Variants in FN1 observed in about 807,000 individuals in gnomAD.
The protein encoded by FN1 is fibronectin.
Under a neutral mutation model 297.3 loss-of-function variants are expected in FN1, and 106 were observed. That is an observed-to-expected ratio of 0.36 (90% confidence interval 0.30 to 0.42). FN1 has a LOEUF of 0.42. Among genes scored for constraint, FN1 ranks in the 10% least tolerant of loss-of-function variants. The pLI is 1.00. For missense variants in FN1, 2,690 were observed against 3,124.9 expected (o/e 0.86, Z 3.32); for synonymous variants, 1,149 against 1,152.6 (o/e 1.00, Z 0.06).
At position 215,373,424 on chromosome 2, in the gene FN1, T is replaced by C. The variant is rs747057645; in HGVS notation, c.6158-13A>G. 3 of 1,604,778 alleles carry C rather than the reference T, an allele frequency of 1.9e-6. No individual in the cohort carries two copies. The highest frequency in any genetic ancestry group is 4.5e-5 in the East Asian group (2 of 44,694). The stretch of plus-strand genomic sequence containing the variant: ...CCCGGTTCCAGGCCTGAAGGGAGAA[T>C]AGAACCATCACATTATGTCAATGGG... On this transcript the variant is annotated splice_polypyrimidine_tract_variant and intron_variant, in intron 38 of 45. Coordinates refer to ENST00000354785, the MANE Select transcript of FN1 (RefSeq NM_212482.4).
At chr2:215,388,359 G>A (rs2059291682) in intron 26 of FN1, 58 bp from the exon 27 acceptor site, 1 of 1,197,640 alleles carries the variant, frequency 8.3e-7, no homozygotes, top group African/African-American at 1.5e-5. Flanking sequence ...AGAAACTAAA[G>A]CACGCCCAGG....
chr2:215,399,700 A>G (rs2060764682), intron 20 of FN1, among the ~76,000 whole-genome samples: 3 of 152,198 alleles, frequency 2.0e-5, no homozygotes, highest in Admixed American at 2.0e-4. Flanking sequence ...TGGTCCTTTC[A>G]TTGAAATTAT....
In FN1 at chr2:215,420,791, A is replaced by G; in HGVS notation, c.1557T>C (p.Ile519=). ...IAYSQLRDQC[I]VDDITYNVND... ...TCACATTGTAAGTGATGTCATCAAC[A>G]ATGCACTGATCTGTTTAGGAAACAG... Residue 519 remains isoleucine (I), a synonymous_variant, in exon 11 of 46, where the codon ATT becomes ATC. Coordinates refer to ENST00000354785, the MANE Select transcript of FN1 (RefSeq NM_212482.4). 6.2e-7 allele frequency: 1 copy of G among 1,614,112 alleles called. No homozygotes were observed. The highest frequency in any genetic ancestry group is 8.5e-7 in the Non-Finnish European group (1 of 1,179,938).
intron 4 of FN1, 85 bp downstream of exon 4, chr2:215,431,748 T>C (rs1361691802): frequency 7.3e-7 from 1 of 1,363,146 alleles, no homozygotes; most frequent in Admixed American, 1.7e-5. Flanking sequence ...AATTCAGGTC[T>C]ATGACCTATG....
At chr2:215,393,254 A>G (rs766978739) in intron 24 of FN1, 51 bp from the exon 25 acceptor site, 23 of 1,581,260 alleles carry the variant, frequency 1.5e-5, no homozygotes, top group African/African-American at 6.8e-5. Context: ...AAATAGAGGG[A>G]AAAAAAGAGG....
intron 12 of FN1, among the ~76,000 whole-genome samples, chr2:215,417,268 A>G (rs2063560443): frequency 6.6e-6 from 1 of 152,212 alleles, no homozygotes. Context: ...CTTATTCAAT[A>G]TGAATAAACT....
chr2:215,424,016 T>C, intron 8 of FN1, 130 bp downstream of exon 8: 1 of 925,296 alleles, frequency 1.1e-6, no homozygotes, highest in Non-Finnish European at 1.8e-6. Flanking sequence ...TGCGATCTCT[T>C]GAGTCCAAAC....
At chr2:215,398,050 A>G (rs2577296) in intron 21 of FN1, among the ~76,000 whole-genome samples, 111 of 152,348 alleles carry the variant, frequency 7.3e-4, no homozygotes, top group Middle Eastern at 6.8e-3. Flanking sequence ...TCCAAACTGC[A>G]TTAAGGTGGC....
chr2:215,375,306 G>C lies in FN1; in HGVS notation c.6065C>G (p.Thr2022Ser). 6.2e-7 allele frequency: 1 copy of C among 1,614,150 alleles called. No homozygotes were observed. The highest frequency in any genetic ancestry group is 8.5e-7 in the Non-Finnish European group (1 of 1,180,004). Residue 2022 changes from threonine to serine, a missense_variant, in exon 38 of 46, where the codon ACC becomes AGC. Physicochemically the swap from Thr to Ser is moderately conservative, Grantham distance 58 (BLOSUM62 1). Transcript: ENST00000354785. Reference sequence around the variant, plus strand: ...CTTCTCATACTTGATGATGTAGCCGGTAATCCTGGCACGTGGCGGCTGCCA... The same window carrying C: ...CTTCTCATACTTGATGATGTAGCCGCTAATCCTGGCACGTGGCGGCTGCCA... ...VSWQPPRARI[T>S]GYIIKYEKPG...
chr2:215,401,191 A>G (rs9751655), intron 20 of FN1, among the ~76,000 whole-genome samples: 1 of 112,410 alleles, frequency 8.9e-6, no homozygotes, highest in African/African-American at 3.6e-5. Context: ...GTGAGAGAGA[A>G]AGAAAGAAAA....
chr2:215,374,945 T>C (rs2056995293), intron 38 of FN1, among the ~76,000 whole-genome samples: 1 of 152,188 alleles, frequency 6.6e-6, no homozygotes, highest in Non-Finnish European at 1.5e-5. Context: ...CAGGACTGAA[T>C]TGACAGGTAT....
intron 13 of FN1, among the ~76,000 whole-genome samples, chr2:215,410,507 CTTT>C (rs34645626): frequency 1.6e-4 from 22 of 133,962 alleles, no homozygotes; most frequent in Non-Finnish European, 1.6e-4. Flanking sequence ...GGCACCTTCA[CTTT>C]TTTTTTTTTT....
chr2:215,414,317 A>G lies in FN1; in HGVS notation c.1941+520T>C, dbSNP rs182938756. 2.4e-3 allele frequency among the ~76,000 whole-genome samples: 361 copies of G among 152,328 alleles called. 1 individual carries two copies. Among genetic ancestry groups the G allele is most frequent in the Middle Eastern group, 3.4e-3 (1 of 294 alleles). On this transcript the variant is annotated intron_variant, in intron 13 of 45. Transcript: ENST00000354785. ...TAAAACCAACTTCCATCCTTTATCT[A>G]AACTTCCCTCCCATCATCTCTTTTC...
At chr2:215,388,123 G>A (rs2059253997) in intron 27 of FN1, 89 bp downstream of exon 27, 3 of 939,666 alleles carry the variant, frequency 3.2e-6, no homozygotes, top group Non-Finnish European at 5.2e-6. Flanking sequence ...ACAAAAAATG[G>A]AGATGTATTT....
intron 19 of FN1, among the ~76,000 whole-genome samples, chr2:215,405,845 C>T (rs987914641): frequency 6.6e-6 from 1 of 152,126 alleles, no homozygotes; most frequent in Admixed American, 6.5e-5. Flanking sequence ...AGCAGATAAG[C>T]TGGTGGCTAG....
chr2:215,401,201 A>G (rs9751656), intron 20 of FN1, among the ~76,000 whole-genome samples: 21 of 32,126 alleles, frequency 6.5e-4, no homozygotes, highest in Non-Finnish European at 1.1e-3. Context: ...AAGAAAGAAA[A>G]GAAAGAAAGA....
intron 42 of FN1, among the ~76,000 whole-genome samples, chr2:215,365,992 A>AT (rs2054530183): frequency 1.4e-5 from 1 of 73,066 alleles, no homozygotes; most frequent in African/African-American, 5.3e-5. Context: ...TTTTTTTTGT[A>AT]TTTTTTGTAG....
At chr2:215,394,771 G>A (rs1403622234) in intron 23 of FN1, 52 bp from the exon 24 acceptor site, 3 of 1,436,994 alleles carry the variant, frequency 2.1e-6, no homozygotes, top group Non-Finnish European at 2.9e-6. Context: ...GTGAGCCAGA[G>A]CATATTTAAC....
At chr2:215,385,997 C>T (rs1442854554) in intron 28 of FN1, among the ~76,000 whole-genome samples, 6 of 148,486 alleles carry the variant, frequency 4.0e-5, no homozygotes, top group Non-Finnish European at 7.4e-5. Flanking sequence ...AGGATGGTCT[C>T]GATCTCTTGA....
Sources: gnomAD v4.1 joint callset for allele counts (sites outside exome capture counted in the v4.1 genomes callset) on GRCh38, gnomAD v4.1.1 for gene constraint, MANE v1.5 for transcripts, NCBI Gene and HGNC (gene_info 2026-07-23, HGNC 2026-07-21) for gene names.